Variants in EYS observed in about 807,000 individuals in gnomAD.
The protein encoded by EYS is protein eyes shut homolog.
A neutral mutation model predicts 282.1 loss-of-function variants in EYS; 250 were observed. The observed-to-expected ratio is 0.89, with a 90% CI of 0.80 to 0.98. The LOEUF is 0.98. Among genes scored for constraint, EYS ranks in the 50% least tolerant of loss-of-function variants. The pLI is 0.00. For synonymous variants in EYS, 1,355 were observed against 1,282.9 expected, an observed-to-expected ratio of 1.06 and a Z score of -1.20; for missense variants, 4,016 against 3,709.0, an observed-to-expected ratio of 1.08 and a Z score of -2.15.
chr6:65,251,457 A>C (rs894630121), intron 12 of EYS, among the ~76,000 whole-genome samples: 1 of 72,558 alleles, frequency 1.4e-5, no homozygotes, highest in East Asian at 2.4e-4. Context: ...ATTTCCAAAC[A>C]AAAAAAAACA....
chr6:64,944,823 G>A (rs575629963), intron 15 of EYS, among the ~76,000 whole-genome samples: 2 of 152,116 alleles, frequency 1.3e-5, no homozygotes, highest in East Asian at 1.9e-4. Flanking sequence ...AGACATGTTT[G>A]CAGCAATGCT....
intron 15 of EYS, among the ~76,000 whole-genome samples, chr6:64,929,084 A>C (rs1543529): frequency 0.01 from 1,585 of 152,202 alleles, 14 homozygotes; most frequent in African/African-American, 0.037. Context: ...AAAATAGAGT[A>C]TTTACAGTGA....
At chr6:64,594,295 A>G (rs184843516) in intron 24 of EYS, among the ~76,000 whole-genome samples, 2 of 152,278 alleles carry the variant, frequency 1.3e-5, no homozygotes, top group Non-Finnish European at 2.9e-5. Context: ...TTTAGGAAAG[A>G]ACTAACACCA....
intron 29 of EYS, among the ~76,000 whole-genome samples, chr6:64,344,744 AG>A (rs1771301327): frequency 6.6e-6 from 1 of 152,106 alleles, no homozygotes; most frequent in East Asian, 1.9e-4. Context: ...AATTAGGAAA[AG>A]AGGAAGTCAA....
intron 14 of EYS, among the ~76,000 whole-genome samples, chr6:64,957,409 G>C (rs751907220): frequency 1.3e-5 from 2 of 151,970 alleles, no homozygotes; most frequent in Non-Finnish European, 2.9e-5. Context: ...GAGAGTAGAA[G>C]GATGGTTACC....
chr6:64,537,524 C>G lies in EYS; in HGVS notation c.5644+52699G>C, dbSNP rs185148816. Among the ~76,000 whole-genome samples, 790 of 152,238 alleles carry G rather than the reference C, an allele frequency of 5.2e-3. 7 individuals carry two copies. The highest frequency in any genetic ancestry group is 8.8e-3 in the Admixed American group (135 of 15,290). On this transcript the variant is annotated intron_variant, in intron 26 of 42. Coordinates refer to ENST00000503581, the MANE Select transcript of EYS (RefSeq NM_001142800.2). ...ATTTTGTTGATTCCTATTTCTTTGA[C>G]AGTAAAACATATATTTTTATTCATA...
intron 12 of EYS, among the ~76,000 whole-genome samples, chr6:65,291,534 T>TA (rs922641488): frequency 5.9e-5 from 9 of 151,512 alleles, no homozygotes; most frequent in African/African-American, 2.2e-4. Context: ...TGTGTTATTT[T>TA]AAAAAAAGGA....
intron 28 of EYS, among the ~76,000 whole-genome samples, chr6:64,431,447 T>A (rs978905137): frequency 3.3e-5 from 5 of 152,006 alleles, no homozygotes; most frequent in African/African-American, 1.2e-4. Context: ...CCCAATTTAA[T>A]CCATAAAAGA....
intron 11 of EYS, among the ~76,000 whole-genome samples, chr6:65,306,030 C>T (rs1274487930): frequency 6.6e-6 from 1 of 152,100 alleles, no homozygotes; most frequent in East Asian, 1.9e-4. Flanking sequence ...ATGTTGGTTT[C>T]CTTCATATCA....
intron 23 of EYS, among the ~76,000 whole-genome samples, chr6:64,624,082 TGTAA>T (rs1464022777): frequency 1.3e-5 from 2 of 152,084 alleles, no homozygotes; most frequent in Non-Finnish European, 2.9e-5. Flanking sequence ...TTGTGAAGAG[TGTAA>T]GTAACTCTAA....
intron 31 of EYS, among the ~76,000 whole-genome samples, chr6:64,088,547 T>TA (rs955029116): frequency 9.2e-5 from 14 of 151,924 alleles, no homozygotes; most frequent in South Asian, 8.3e-4. Flanking sequence ...TAAATTATAT[T>TA]AAAAAAAATC....
chr6:65,663,004 G>A (rs1486720665), intron 1 of EYS, among the ~76,000 whole-genome samples: 5 of 152,044 alleles, frequency 3.3e-5, no homozygotes, highest in Non-Finnish European at 7.4e-5. Flanking sequence ...TAGAGGGAGC[G>A]CCCCTAAAAT....
intron 26 of EYS, among the ~76,000 whole-genome samples, chr6:64,478,078 T>G (rs1776328283): frequency 6.6e-6 from 1 of 152,094 alleles, no homozygotes; most frequent in Non-Finnish European, 1.5e-5. Context: ...TGTAGAAAGT[T>G]TTCCACCATT....
At chr6:65,504,909 T>C (rs867401081) in intron 2 of EYS, among the ~76,000 whole-genome samples, 5 of 151,768 alleles carry the variant, frequency 3.3e-5, no homozygotes, top group African/African-American at 1.2e-4. Flanking sequence ...GGAATTAGGG[T>C]AATGCTAGCC....
intron 35 of EYS, among the ~76,000 whole-genome samples, chr6:63,913,206 T>C (rs1370853185): frequency 6.6e-6 from 1 of 152,210 alleles, no homozygotes; most frequent in African/African-American, 2.4e-5. Flanking sequence ...TCTCAATTCT[T>C]GCAAACACTG....
At chr6:64,726,537 T>C (rs1221661367) in intron 22 of EYS, among the ~76,000 whole-genome samples, 1 of 152,196 alleles carries the variant, frequency 6.6e-6, no homozygotes, top group Non-Finnish European at 1.5e-5. Context: ...ATGGTATATT[T>C]CTACCAAAAT....
At position 64,497,288 on chromosome 6, in the gene EYS, T is replaced by C. The variant is rs1401450599; in HGVS notation, c.5645-57936A>G. Among the ~76,000 whole-genome samples, 3 of 152,192 alleles carry C rather than the reference T, an allele frequency of 2.0e-5. No individual in the cohort carries two copies. The East Asian group carries it at 5.8e-4, about 29-fold the overall frequency. On this transcript the variant is annotated intron_variant, in intron 26 of 42. Transcript: ENST00000503581. ...TTGCATAGTCAAGAAGGGCTCTGACTGTAATCTTTGCTCAAGCCAATTTAA... is the reference window on the plus strand; with the variant it reads ...TTGCATAGTCAAGAAGGGCTCTGACCGTAATCTTTGCTCAAGCCAATTTAA...
chr6:64,879,621 A>G (rs1766854118), intron 19 of EYS, among the ~76,000 whole-genome samples: 1 of 152,146 alleles, frequency 6.6e-6, no homozygotes, highest in Non-Finnish European at 1.5e-5. Flanking sequence ...GCTAAATATT[A>G]ACAATGTAAT....
intron 19 of EYS, among the ~76,000 whole-genome samples, chr6:64,877,228 T>C (rs932053280): frequency 5.9e-5 from 9 of 152,130 alleles, no homozygotes; most frequent in Admixed American, 4.6e-4. Flanking sequence ...GTAATAATGA[T>C]GCCATCCACT....
Sources: allele counts gnomAD v4.1 joint callset (sites outside exome capture counted in the v4.1 genomes callset), GRCh38; gene constraint gnomAD v4.1.1; transcripts MANE v1.5; gene names NCBI Gene and HGNC (gene_info 2026-07-23, HGNC 2026-07-21).